Variants in CALD1 observed in about 807,000 individuals in gnomAD.
CALD1 encodes caldesmon 1.
Under a neutral mutation model 99.9 loss-of-function variants are expected in CALD1, and 33 were observed. The observed-to-expected ratio is 0.33, with a 90% CI of 0.25 to 0.44. The LOEUF (loss-of-function observed/expected upper bound fraction) is 0.44. Among genes scored for constraint, CALD1 ranks in the 20% least tolerant of loss-of-function variants. CALD1 has a pLI of 1.00. For synonymous variants in CALD1, 310 were observed against 325.0 expected (o/e 0.95, Z 0.50); for missense variants, 861 against 962.1 (o/e 0.89, Z 1.39).
Position 134,783,885 on chromosome 7 carries a change from T to C in CALD1, c.-130+4136T>C, listed in dbSNP as rs1269939311. Among the ~76,000 whole-genome samples, 1 of 152,120 alleles carries C rather than the reference T, an allele frequency of 6.6e-6. No homozygotes were observed. Among genetic ancestry groups the C allele is most frequent in the Non-Finnish European group, 1.5e-5 (1 of 68,020 alleles). On this transcript the variant is annotated intron_variant, in intron 1 of 14. Transcript: ENST00000361675. This position sits in a 1 kb window ranked among gnomAD's most constrained non-coding sequence, Gnocchi z 4.3. ...ATATATAGGTGGAGATTGCGTCATA[T>C]GACCTCCATTTCAAAGAAAAAGAGG...
rs768541882 is a variant in CALD1 at position 134,895,213 on chromosome 7, G to C, written c.71+27409G>C. ...ATAAGAATATTGAGATTTGTCAAAA[G>C]TTTAGGAATGCCTGGCTTATTCAAT... On this transcript the variant is annotated intron_variant, in intron 3 of 14. Coordinates refer to ENST00000361675, the MANE Select transcript of CALD1 (RefSeq NM_033138.4). Among the ~76,000 whole-genome samples the C allele has an allele frequency of 4.3e-4, 65 of 151,868 alleles. 1 individual carries two copies. In the Middle Eastern group the frequency reaches 0.01, roughly 24 times the overall value.
intron 14 of CALD1, among the ~76,000 whole-genome samples, chr7:134,965,848 AAAAAT>A (rs1376944662): frequency 6.6e-6 from 1 of 152,102 alleles, no homozygotes; most frequent in Non-Finnish European, 1.5e-5. Context: ...AAAAAAAAAA[AAAAAT>A]ATTCAAAAGT....
chr7:134,734,670 G>A, the CALD1 span, among the ~76,000 whole-genome samples: 4 of 152,042 alleles, frequency 2.6e-5, no homozygotes, highest in Non-Finnish European at 4.4e-5. Context: ...TATGTCTTAC[G>A]AGATCTGATG....
chr7:134,936,116 A>G (rs1805950692), intron 6 of CALD1, among the ~76,000 whole-genome samples: 1 of 152,146 alleles, frequency 6.6e-6, no homozygotes, highest in African/African-American at 2.4e-5. Context: ...TCTGAATGCT[A>G]ATTTTTTTTC....
intron 6 of CALD1, among the ~76,000 whole-genome samples, chr7:134,938,082 G>A (rs920617093): frequency 1.3e-5 from 2 of 152,170 alleles, no homozygotes; most frequent in Non-Finnish European, 2.9e-5. Context: ...CTTATTAAAT[G>A]CAGAATCTGA....
intron 1 of CALD1, among the ~76,000 whole-genome samples, chr7:134,791,914 A>G (rs1203433953): frequency 1.3e-5 from 2 of 151,990 alleles, no homozygotes; most frequent in Admixed American, 6.6e-5. Flanking sequence ...GTGCAGGGGA[A>G]CTCCCATTTA....
chr7:134,888,019 A>C (rs1440882297), intron 3 of CALD1, among the ~76,000 whole-genome samples: 1 of 152,236 alleles, frequency 6.6e-6, no homozygotes, highest in Admixed American at 6.5e-5. Context: ...AGTCTGGAAC[A>C]GATCTTGTGG....
At chr7:134,854,570 A>T (rs1800219339) in intron 2 of CALD1, among the ~76,000 whole-genome samples, 1 of 152,158 alleles carries the variant, frequency 6.6e-6, no homozygotes, top group South Asian at 2.1e-4. Flanking sequence ...TTGGCCATAC[A>T]CGCTACTGAA....
the CALD1 span, among the ~76,000 whole-genome samples, chr7:134,729,536 A>G: frequency 4.5e-4 from 68 of 152,222 alleles, no homozygotes; most frequent in Non-Finnish European, 6.8e-4. Flanking sequence ...CCAAGTCTAG[A>G]TGGGAACTGT....
intron 1 of CALD1, among the ~76,000 whole-genome samples, chr7:134,760,972 C>T (rs1466456155): frequency 1.3e-5 from 2 of 152,110 alleles, no homozygotes; most frequent in Non-Finnish European, 2.9e-5. Context: ...AGTACTGCTT[C>T]GTTAGTTGTT....
In CALD1 at chr7:134,801,406, T is replaced by A. The variant is rs981578568; in HGVS notation, c.-130+21657T>A. ...TCTTTGCTCACCCTTGCTTCTAGCATCTCACTCCCTATTTCTGGGTTCAAA... is the reference window on the plus strand; with the variant it reads ...TCTTTGCTCACCCTTGCTTCTAGCAACTCACTCCCTATTTCTGGGTTCAAA... On this transcript the variant is annotated intron_variant, in intron 1 of 14. Coordinates refer to ENST00000361675, the MANE Select transcript of CALD1 (RefSeq NM_033138.4). Among the ~76,000 whole-genome samples, 5 of 152,340 alleles carry A rather than the reference T, an allele frequency of 3.3e-5. No individual in the cohort carries two copies. The East Asian group carries it at 7.7e-4, about 23-fold the overall frequency.
intron 1 of CALD1, among the ~76,000 whole-genome samples, chr7:134,817,311 AT>A (rs931179334): frequency 4.6e-5 from 7 of 151,982 alleles, no homozygotes; most frequent in African/African-American, 1.2e-4. Context: ...ATTTATTTTA[AT>A]TTTTTTCATT....
intron 6 of CALD1, among the ~76,000 whole-genome samples, chr7:134,938,131 G>C (rs774186534): frequency 2.0e-5 from 3 of 152,202 alleles, no homozygotes; most frequent in Non-Finnish European, 4.4e-5. Flanking sequence ...CAAACTTGCA[G>C]TAGTAGCGAG....
chr7:134,753,844 T>G lies in CALD1; in HGVS notation c.-130+9481T>G, dbSNP rs573620937. Among the ~76,000 whole-genome samples, 14 of 152,336 alleles carry G rather than the reference T, an allele frequency of 9.2e-5. No individual in the cohort carries two copies. The East Asian group carries it at 9.7e-4, about 11-fold the overall frequency. ...GATGCCGGCTGATCCCTCCCTGGCC[T>G]GCTCTGACTCCAGAAATTTGTATTT... On this transcript the variant is annotated intron_variant, in intron 1 of 13. Coordinates refer to the CALD1 transcript ENST00000417172.
rs144411110 is a variant in CALD1, at chr7:134,882,033, G to A, written c.71+14229G>A. Among the ~76,000 whole-genome samples, 277 of 152,156 alleles carry A rather than the reference G, an allele frequency of 1.8e-3. 2 individuals are homozygous for A. The highest frequency in any genetic ancestry group is 6.1e-3 in the African/African-American group (253 of 41,512). Reference sequence around the variant, plus strand: ...CTCTATTTTATGTTTATTTGTTCTCGTATCTGTTTTCTCCACCAAATTGAA... The same window carrying A: ...CTCTATTTTATGTTTATTTGTTCTCATATCTGTTTTCTCCACCAAATTGAA... On this transcript the variant is annotated intron_variant, in intron 3 of 14. Transcript: ENST00000361675.
intron 3 of CALD1, among the ~76,000 whole-genome samples, chr7:134,888,706 A>G (rs558624520): frequency 6.6e-6 from 1 of 152,288 alleles, no homozygotes; most frequent in Non-Finnish European, 1.5e-5. Flanking sequence ...CCATGTCAGT[A>G]CCCTACCAGG....
upstream of CALD1, among the ~76,000 whole-genome samples, chr7:134,741,330 G>A (rs1052365731): frequency 6.6e-6 from 1 of 152,264 alleles, no homozygotes; most frequent in Non-Finnish European, 1.5e-5. Flanking sequence ...ATCGGATCTT[G>A]TGAGAACTCA....
chr7:134,827,393 T>C (rs1264137227), intron 1 of CALD1, among the ~76,000 whole-genome samples: 1 of 152,166 alleles, frequency 6.6e-6, no homozygotes, highest in Non-Finnish European at 1.5e-5. Flanking sequence ...AAAATGGGCA[T>C]TTTTTGCCAT....
chr7:134,898,447 G>A (rs1164639778), intron 3 of CALD1, among the ~76,000 whole-genome samples: 1 of 152,156 alleles, frequency 6.6e-6, no homozygotes, highest in East Asian at 1.9e-4. Context: ...ATAATATGAT[G>A]CAACTTCATA....
Sources: allele counts gnomAD v4.1 joint callset (sites outside exome capture counted in the v4.1 genomes callset), GRCh38; gene constraint gnomAD v4.1.1; non-coding constraint Gnocchi (gnomAD v3.1); transcripts MANE v1.5; gene names NCBI Gene and HGNC (gene_info 2026-07-23, HGNC 2026-07-21).